The following MYO1H variants were observed in gnomAD, a reference collection of about 807,000 sequenced individuals.
MYO1H encodes the protein myosin IH, also known as unconventional myosin-Ih.
MYO1H carries 118 observed loss-of-function variants against 149.3 expected under a neutral mutation model. The ratio of observed to expected loss-of-function variants is 0.79; its 90% confidence interval spans 0.68 to 0.92. MYO1H has a LOEUF of 0.92. Among genes scored for constraint, MYO1H ranks in the 40% least tolerant of loss-of-function variants. The probability of loss-of-function intolerance (pLI) is 0.00; values close to 1 mark genes in which losing one functional copy is unlikely to be tolerated. For synonymous variants in MYO1H, 447 were observed against 465.2 expected (o/e 0.96, Z 0.50); for missense variants, 1,212 against 1,280.7 (o/e 0.95, Z 0.82).
chr12:109,409,246 C>T (rs4766597), intron 10 of MYO1H, among the ~76,000 whole-genome samples: 1,228 of 47,878 alleles, frequency 0.026, 72 homozygotes, highest in African/African-American at 0.071. Flanking sequence ...TCTTCTTCTT[C>T]TTTTTTTTTT....
intron 1 of MYO1H, among the ~76,000 whole-genome samples, chr12:109,369,092 A>G (rs1462892274): frequency 1.3e-5 from 2 of 151,910 alleles, no homozygotes; most frequent in Non-Finnish European, 2.9e-5. Flanking sequence ...GGTTCAAGCA[A>G]TTCTCCTGCC....
intron 5 of MYO1H, among the ~76,000 whole-genome samples, chr12:109,398,150 A>G (rs1262325608): frequency 6.6e-6 from 1 of 152,250 alleles, no homozygotes; most frequent in Non-Finnish European, 1.5e-5. Flanking sequence ...TGCTATCTTA[A>G]GAAGCTGAAA....
chr12:109,313,060 TGA>T, the MYO1H span, among the ~76,000 whole-genome samples: 2 of 151,990 alleles, frequency 1.3e-5, no homozygotes, highest in Admixed American at 1.3e-4. Flanking sequence ...AGCAACATGG[TGA>T]GACTTTGTCT....
At chr12:109,414,116 C>T (rs1870795244) in intron 14 of MYO1H, among the ~76,000 whole-genome samples, 2 of 151,906 alleles carry the variant, frequency 1.3e-5, no homozygotes, top group African/African-American at 2.4e-5. Flanking sequence ...TTCATTGAGC[C>T]GTACGCTTAG....
chr12:109,412,785 GT>G (rs1284851705), intron 14 of MYO1H, among the ~76,000 whole-genome samples: 2 of 151,282 alleles, frequency 1.3e-5, no homozygotes, highest in Non-Finnish European at 3.0e-5. Context: ...TTGTTTTTTG[GT>G]TTTGTTTTGT....
chr12:109,318,967 G>GTTTTTTTTTTTTTTTTTT, the MYO1H span, among the ~76,000 whole-genome samples: 38 of 79,620 alleles, frequency 4.8e-4, 3 homozygotes, highest in Non-Finnish European at 5.8e-4. Flanking sequence ...TGCGTTTTTG[G>GTTTTTTTTTTTTTTTTTT]TTTTGTTTTT....
chr12:109,443,196 A>ATGTGTGTATATGTGTACGTATG lies in MYO1H; in HGVS notation c.2689-297_2689-296insGTGTGTGTATATGTGTACGTAT, dbSNP rs1872287313. 9.4e-5 allele frequency among the ~76,000 whole-genome samples: 9 copies of ATGTGTGTATATGTGTACGTATG among 95,708 alleles called. 3 individuals are homozygous for ATGTGTGTATATGTGTACGTATG. The highest frequency in any genetic ancestry group is 4.2e-4 in the African/African-American group (9 of 21,212). 62.8% of individuals were successfully genotyped at this position (95,708 alleles called of 152,430 possible). A position where few individuals can be genotyped will look rare whatever the true frequency, so the allele number is the denominator to read the frequency against. ...CGTATGTGTGTATATGTGTACGTAT[A>ATGTGTGTATATGTGTACGTATG]TGTGTGTATATGTGTACGTATATGT... On this transcript the variant is annotated intron_variant, in intron 27 of 31. Transcript: ENST00000310903.
At chr12:109,313,282 A>C in the MYO1H span, among the ~76,000 whole-genome samples, 1 of 152,132 alleles carries the variant, frequency 6.6e-6, no homozygotes, top group Non-Finnish European at 1.5e-5. Flanking sequence ...ACAAGTTCTC[A>C]CAGGAGAGTT....
intron 5 of MYO1H, among the ~76,000 whole-genome samples, chr12:109,399,386 G>A (rs1870058842): frequency 6.6e-6 from 1 of 151,868 alleles, no homozygotes; most frequent in Non-Finnish European, 1.5e-5. Flanking sequence ...GAGGTCAGGA[G>A]TTCGAGACCA....
chr12:109,360,887 G>A lies in MYO1H; in HGVS notation c.12+12915G>A, dbSNP rs113499297. 2.4e-3 allele frequency among the ~76,000 whole-genome samples: 365 copies of A among 152,262 alleles called. 2 individuals are homozygous for A. Among genetic ancestry groups the A allele is most frequent in the African/African-American group, 8.4e-3 (349 of 41,550 alleles). ...ATAGAAACAATAATCTACACTTTTTGAAGGTATAACGGAGTAGTGATAGAG... is the reference window on the plus strand; with the variant it reads ...ATAGAAACAATAATCTACACTTTTTAAAGGTATAACGGAGTAGTGATAGAG... On this transcript the variant is annotated intron_variant, in intron 1 of 31. Coordinates refer to ENST00000310903, the Ensembl canonical transcript of MYO1H.
the MYO1H span, among the ~76,000 whole-genome samples, chr12:109,325,811 T>C: frequency 2.6e-5 from 4 of 152,096 alleles, no homozygotes; most frequent in Non-Finnish European, 5.9e-5. Context: ...CAAGAAAACA[T>C]GAAAAATAGC....
the MYO1H span, among the ~76,000 whole-genome samples, chr12:109,315,081 T>A: frequency 1.3e-5 from 2 of 152,084 alleles, no homozygotes; most frequent in African/African-American, 4.8e-5. Flanking sequence ...CAGCCTGGGC[T>A]ACAAACCAAG....
chr12:109,381,916 G>A lies in MYO1H; in HGVS notation c.13-6767G>A, dbSNP rs114280425. 9.5e-3 allele frequency among the ~76,000 whole-genome samples: 1,448 copies of A among 152,240 alleles called. 19 individuals carry two copies. The highest frequency in any genetic ancestry group is 0.033 in the African/African-American group (1,359 of 41,522). On this transcript the variant is annotated intron_variant, in intron 1 of 31. Coordinates refer to ENST00000310903, the Ensembl canonical transcript of MYO1H. ...ATATTAAAAACTCATTGTCACCTTGGGAGGAAGCAGTGGAACCAACTCATT... is the reference window on the plus strand; with the variant it reads ...ATATTAAAAACTCATTGTCACCTTGAGAGGAAGCAGTGGAACCAACTCATT...
chr12:109,405,944 G>A (rs1870362825), exon 8 of MYO1H: 5 of 1,613,020 alleles, frequency 3.1e-6, no homozygotes, highest in Non-Finnish European at 4.2e-6. Context: ...ATTATTGCCA[G>A]TGTCTTACAC....
intron 27 of MYO1H, among the ~76,000 whole-genome samples, chr12:109,442,635 G>C (rs1319205325): frequency 6.6e-6 from 1 of 152,054 alleles, no homozygotes; most frequent in Admixed American, 6.5e-5. Context: ...GTGAGATCCT[G>C]GGCAGGTCAC....
the MYO1H span, among the ~76,000 whole-genome samples, chr12:109,340,405 G>A: frequency 1.3e-5 from 2 of 152,178 alleles, no homozygotes; most frequent in Non-Finnish European, 2.9e-5. Context: ...CTGACCTTAG[G>A]TGATCCACCT....
the MYO1H span, among the ~76,000 whole-genome samples, chr12:109,326,631 C>T: frequency 6.6e-6 from 1 of 151,288 alleles, no homozygotes; most frequent in Non-Finnish European, 1.5e-5. Context: ...AAGCAATTCT[C>T]CTGCCTCAGC....
exon 6 of MYO1H, chr12:109,401,199 C>T (rs1271187839): frequency 6.2e-7 from 1 of 1,613,848 alleles, no homozygotes. Flanking sequence ...CAGCTGCTGG[C>T]AGGTGGCGAA....
At chr12:109,414,508 A>G (rs1870819805) in intron 14 of MYO1H, among the ~76,000 whole-genome samples, 1 of 151,802 alleles carries the variant, frequency 6.6e-6, no homozygotes, top group Non-Finnish European at 1.5e-5. Context: ...GAAAAAAAAA[A>G]TCAAGAATCT....
Sources: gnomAD v4.1 joint callset for allele counts (sites outside exome capture counted in the v4.1 genomes callset) on GRCh38, gnomAD v4.1.1 for gene constraint, MANE v1.5 for transcripts, NCBI Gene and HGNC (gene_info 2026-07-23, HGNC 2026-07-21) for gene names.